Variants in CD200 observed in about 807,000 individuals in gnomAD.
The protein encoded by CD200 is CD200 molecule.
CD200 carries 15 observed loss-of-function variants against 30.9 expected under a neutral mutation model. That is an observed-to-expected ratio of 0.49 (90% CI 0.32 to 0.75). CD200 has a LOEUF of 0.75. Among genes scored for constraint, CD200 ranks in the 30% least tolerant of loss-of-function variants. The pLI is 0.03. For missense variants in CD200, 262 were observed against 324.2 expected (o/e 0.81, Z 1.47); for synonymous variants, 134 against 126.2 (o/e 1.06, Z -0.41).
chr3:112,351,363 T>C (rs1201759903), intron 5 of CD200, among the ~76,000 whole-genome samples: 1 of 152,216 alleles, frequency 6.6e-6, no homozygotes, highest in African/African-American at 2.4e-5. Context: ...AGTATTTAAA[T>C]TCATTTTTAA....
chr3:112,357,271 A>AAAG lies in CD200; in HGVS notation c.803-4270_803-4269insGAA, dbSNP rs1553720696. 1.5e-4 allele frequency among the ~76,000 whole-genome samples: 21 copies of AAAG among 139,790 alleles called. No individual in the cohort carries two copies. In the East Asian group the frequency reaches 1.9e-3, roughly 13 times the overall value. The allele number at this position is 139,790 out of a possible 152,430, so 91.7% of individuals were successfully genotyped here. On this transcript the variant is annotated intron_variant, in intron 5 of 5. Transcript: ENST00000315711. ...GCGAGACTGTCTCAAAAAAAAAAAA[A>AAAG]AAAGAAAGAAAGAAAGAAAGAAAAA...
At chr3:112,361,404 T>C in intron 5 of CD200, 139 bp from the exon 6 acceptor site, 1 of 749,080 alleles carries the variant, frequency 1.3e-6, no homozygotes. Flanking sequence ...CAGAAATGTC[T>C]ACTTCTTTAT....
intron 2 of CD200, among the ~76,000 whole-genome samples, chr3:112,343,194 CAGAG>C (rs998627765): frequency 2.0e-5 from 3 of 151,424 alleles, no homozygotes; most frequent in South Asian, 2.1e-4. Context: ...TATACACACA[CAGAG>C]AGAGAGATCT....
intron 5 of CD200, among the ~76,000 whole-genome samples, chr3:112,357,442 G>A (rs898960058): frequency 6.6e-5 from 10 of 152,114 alleles, no homozygotes; most frequent in Admixed American, 3.9e-4. Flanking sequence ...AACCATCAGC[G>A]TGAGCCAATA....
intron 5 of CD200, among the ~76,000 whole-genome samples, chr3:112,353,988 G>T (rs2081583762): frequency 2.0e-5 from 3 of 152,168 alleles, no homozygotes; most frequent in South Asian, 4.2e-4. Flanking sequence ...GAATTCCAGG[G>T]CTATTTTTCC....
chr3:112,332,909 T>TG (rs1559776607), upstream of CD200: 3 of 429,282 alleles, frequency 7.0e-6, no homozygotes, highest in East Asian at 4.5e-5. Flanking sequence ...AGCAGGAAAA[T>TG]GGAAAAAAAA....
At chr3:112,343,210 C>T (rs2081307850) in intron 2 of CD200, among the ~76,000 whole-genome samples, 1 of 151,688 alleles carries the variant, frequency 6.6e-6, no homozygotes, top group African/African-American at 2.4e-5. Flanking sequence ...GAGAGATCTA[C>T]ATACATATAA....
chr3:112,336,308 G>C (rs79065883), intron 1 of CD200, among the ~76,000 whole-genome samples: 6,185 of 152,046 alleles, frequency 0.041, 418 homozygotes, highest in African/African-American at 0.14. Context: ...CTTGTGGCAG[G>C]TAAAGGAGGA....
chr3:112,340,650 A>G (rs1216067476), intron 1 of CD200, among the ~76,000 whole-genome samples: 1 of 152,208 alleles, frequency 6.6e-6, no homozygotes, highest in Admixed American at 6.5e-5. Flanking sequence ...TGGTGGCTTC[A>G]GGAGCAAGGC....
intron 2 of CD200, among the ~76,000 whole-genome samples, 182 bp from the exon 3 acceptor site, chr3:112,344,780 C>T (rs956931987): frequency 6.6e-6 from 1 of 152,164 alleles, no homozygotes; most frequent in Non-Finnish European, 1.5e-5. Flanking sequence ...AAAGATTGAA[C>T]AAACATATTT....
At chr3:112,346,750 C>T (rs1042195587) in intron 3 of CD200, among the ~76,000 whole-genome samples, 1 of 152,152 alleles carries the variant, frequency 6.6e-6, no homozygotes, top group African/African-American at 2.4e-5. Flanking sequence ...GCTCCAAAGC[C>T]AACCACAGAA....
At chr3:112,350,304 C>G (rs1313118057) in intron 5 of CD200, among the ~76,000 whole-genome samples, 1 of 152,202 alleles carries the variant, frequency 6.6e-6, no homozygotes, top group Admixed American at 6.5e-5. Flanking sequence ...CTGTGTCATG[C>G]CATTCTGCCC....
intron 5 of CD200, among the ~76,000 whole-genome samples, chr3:112,356,620 C>T (rs1026690870): frequency 6.6e-6 from 1 of 152,200 alleles, no homozygotes; most frequent in African/African-American, 2.4e-5. Context: ...TTCTTTTCAT[C>T]TTAACCAAGG....
chr3:112,336,477 T>C (rs2081120079), intron 1 of CD200, among the ~76,000 whole-genome samples: 1 of 151,284 alleles, frequency 6.6e-6, no homozygotes, highest in African/African-American at 2.4e-5. Flanking sequence ...AGGGAAGTCA[T>C]TGTATCTAAA....
At chr3:112,353,340 G>C (rs1028160301) in intron 5 of CD200, among the ~76,000 whole-genome samples, 13 of 151,874 alleles carry the variant, frequency 8.6e-5, no homozygotes, top group African/African-American at 3.1e-4. Flanking sequence ...TTGAGTCAAG[G>C]CTGCTTTGGA....
chr3:112,355,102 G>A (rs930720209), intron 5 of CD200, among the ~76,000 whole-genome samples: 1 of 152,124 alleles, frequency 6.6e-6, no homozygotes, highest in Non-Finnish European at 1.5e-5. Flanking sequence ...ATGTCTTTGG[G>A]GTGCCATTAT....
intron 2 of CD200, among the ~76,000 whole-genome samples, chr3:112,342,672 C>G (rs2081295578): frequency 6.6e-6 from 1 of 152,078 alleles, no homozygotes; most frequent in Non-Finnish European, 1.5e-5. Flanking sequence ...ATCCACTCGC[C>G]TCGGCCTCCC....
chr3:112,333,015 C>A, upstream of CD200: 1 of 677,038 alleles, frequency 1.5e-6, no homozygotes, highest in Non-Finnish European at 2.4e-6. Context: ...TGAATATAAA[C>A]ATCATTTAAT....
intron 2 of CD200, among the ~76,000 whole-genome samples, chr3:112,342,409 CT>C (rs2081285696): frequency 1.6e-5 from 1 of 62,314 alleles, no homozygotes; most frequent in Admixed American, 2.0e-4. Context: ...TTCTTTCTTT[CT>C]TTCTTTCTTT....
Sources: gnomAD v4.1 joint callset for allele counts (sites outside exome capture counted in the v4.1 genomes callset) on GRCh38, gnomAD v4.1.1 for gene constraint, MANE v1.5 for transcripts, NCBI Gene and HGNC (gene_info 2026-07-23, HGNC 2026-07-21) for gene names.